Variants in CNIH3 observed in about 807,000 individuals in gnomAD.
CNIH3 encodes the protein cornichon family AMPA receptor auxiliary protein 3, also known as protein cornichon homolog 3.
Under a neutral mutation model 24.1 loss-of-function variants are expected in CNIH3, and 14 were observed. The ratio of observed to expected loss-of-function variants is 0.58; its 90% CI spans 0.38 to 0.91. The LOEUF is 0.91. CNIH3 is among the 40% of genes least tolerant of loss of function. The pLI is 0.00. For missense variants in CNIH3, 178 were observed against 196.8 expected (o/e 0.90, Z 0.57); for synonymous variants, 68 against 73.8 (o/e 0.92, Z 0.40).
Position 224,616,637 on chromosome 1 carries a change from G to C in CNIH3, c.-538G>C. The C allele has an allele frequency of 1.0e-6, 1 of 987,578 alleles. No homozygotes were observed. The highest frequency in any genetic ancestry group is 1.2e-6 in the Non-Finnish European group (1 of 831,544). 61.2% of individuals were successfully genotyped at this position (987,578 alleles called of 1,614,324 possible). The stretch of plus-strand genomic sequence containing the variant: ...CTTCTCTCGGGAAAGAGCGCTGCCC[G>C]GCTCTGGGATTTGGGAGGAGCTCGG... On this transcript the variant is annotated 5_prime_UTR_variant, in exon 1 of 6. Coordinates refer to ENST00000272133, the MANE Select transcript of CNIH3 (RefSeq NM_152495.2).
At chr1:224,623,798 C>G (rs1005587733) in intron 1 of CNIH3, among the ~76,000 whole-genome samples, 4 of 152,204 alleles carry the variant, frequency 2.6e-5, no homozygotes, top group African/African-American at 4.8e-5. Flanking sequence ...CATCACTTTT[C>G]CCCACCTGTC....
intron 1 of CNIH3, among the ~76,000 whole-genome samples, chr1:224,501,579 CA>C (rs1324021291): frequency 1.4e-5 from 2 of 147,368 alleles, no homozygotes; most frequent in African/African-American, 5.0e-5. Flanking sequence ...ATGTTTTATA[CA>C]GAATTTTTTT....
chr1:224,587,617 T>C (rs545038820), intron 5 of CNIH3, among the ~76,000 whole-genome samples: 39 of 152,212 alleles, frequency 2.6e-4, no homozygotes, highest in African/African-American at 9.4e-4. Flanking sequence ...ATCTGTGTGG[T>C]GTGCGTATAT....
At chr1:224,552,745 G>C (rs1350384639) in intron 3 of CNIH3, among the ~76,000 whole-genome samples, 2 of 151,122 alleles carry the variant, frequency 1.3e-5, no homozygotes, top group East Asian at 3.9e-4. Context: ...TAGATATTAT[G>C]AATAATATCA....
intron 3 of CNIH3, among the ~76,000 whole-genome samples, chr1:224,606,766 G>A (rs1486415689): frequency 6.6e-6 from 1 of 152,144 alleles, no homozygotes; most frequent in East Asian, 1.9e-4. Context: ...TGTTTGTGCA[G>A]GGGGCAGGAG....
At chr1:224,444,334 A>G (rs1319368202) in intron 1 of CNIH3, among the ~76,000 whole-genome samples, 1 of 152,172 alleles carries the variant, frequency 6.6e-6, no homozygotes, top group Non-Finnish European at 1.5e-5. Context: ...GGATCTAAAA[A>G]AGGCCCACAT....
At chr1:224,488,084 A>G (rs1185561521) in intron 1 of CNIH3, among the ~76,000 whole-genome samples, 1 of 151,864 alleles carries the variant, frequency 6.6e-6, no homozygotes, top group Non-Finnish European at 1.5e-5. Flanking sequence ...ATACTAGTTG[A>G]GAATCTAGTA....
At chr1:224,731,385 C>G (rs988352080) in intron 4 of CNIH3, among the ~76,000 whole-genome samples, 1 of 152,078 alleles carries the variant, frequency 6.6e-6, no homozygotes, top group Non-Finnish European at 1.5e-5. Flanking sequence ...TGATTTTTGG[C>G]TTTTTGTAAA....
At chr1:224,509,922 A>G (rs763372582) in intron 1 of CNIH3, among the ~76,000 whole-genome samples, 15 of 151,992 alleles carry the variant, frequency 9.9e-5, no homozygotes, top group Non-Finnish European at 1.9e-4. Context: ...AAAGGGCCCC[A>G]GAAAGTGGTG....
At chr1:224,624,135 A>G (rs951187450) in intron 1 of CNIH3, among the ~76,000 whole-genome samples, 1 of 152,054 alleles carries the variant, frequency 6.6e-6, no homozygotes, top group African/African-American at 2.4e-5. Context: ...CTTTCTGGCC[A>G]CCTGACTTGT....
At chr1:224,562,758 C>A (rs1680425147) in intron 3 of CNIH3, among the ~76,000 whole-genome samples, 1 of 152,076 alleles carries the variant, frequency 6.6e-6, no homozygotes, top group Admixed American at 6.6e-5. Flanking sequence ...TTGCCCCGTC[C>A]CTCACCATAT....
upstream of CNIH3, among the ~76,000 whole-genome samples, chr1:224,510,907 AAGG>A (rs1678125768): frequency 1.3e-5 from 2 of 152,168 alleles, no homozygotes; most frequent in Admixed American, 1.3e-4. Flanking sequence ...GCAAGGGGGA[AAGG>A]AGGAGAGTTG....
At chr1:224,444,826 G>A (rs1170482245) in intron 1 of CNIH3, among the ~76,000 whole-genome samples, 1 of 150,084 alleles carries the variant, frequency 6.7e-6, no homozygotes, top group Non-Finnish European at 1.5e-5. Flanking sequence ...TGTATTTTTA[G>A]TATAGATGAG....
chr1:224,716,088 A>T (rs1688413829), intron 3 of CNIH3, among the ~76,000 whole-genome samples: 1 of 152,196 alleles, frequency 6.6e-6, no homozygotes, highest in Non-Finnish European at 1.5e-5. Flanking sequence ...AGTTCTGTAG[A>T]TGGTACCTCC....
chr1:224,598,513 A>G (rs886180644), intron 3 of CNIH3, among the ~76,000 whole-genome samples: 6 of 152,360 alleles, frequency 3.9e-5, no homozygotes, highest in South Asian at 2.1e-4. Flanking sequence ...AAGTTCTACT[A>G]TAGGCAAAAT....
chr1:224,727,138 G>A (rs563192596), intron 3 of CNIH3, among the ~76,000 whole-genome samples: 62 of 152,308 alleles, frequency 4.1e-4, no homozygotes, highest in Admixed American at 2.7e-3. Context: ...TGCCGGCCTC[G>A]ATGGCTTGTT....
At chr1:224,479,229 C>G (rs931427209) in intron 1 of CNIH3, among the ~76,000 whole-genome samples, 1 of 137,568 alleles carries the variant, frequency 7.3e-6, no homozygotes, top group African/African-American at 2.7e-5. Flanking sequence ...TCTCGGCTCA[C>G]TGCAACCTCT....
intron 4 of CNIH3, among the ~76,000 whole-genome samples, chr1:224,732,414 C>T (rs1259915383): frequency 6.6e-6 from 1 of 152,194 alleles, no homozygotes; most frequent in Admixed American, 6.5e-5. Context: ...AATCTGCTCT[C>T]ATCTGAATTA....
intron 1 of CNIH3, among the ~76,000 whole-genome samples, chr1:224,510,662 G>C (rs1220975969): frequency 2.0e-5 from 3 of 152,044 alleles, no homozygotes; most frequent in Middle Eastern, 3.5e-3. Flanking sequence ...GTCCTGGCCG[G>C]TCAATGCAGT....
Sources: gnomAD v4.1 joint callset for allele counts (sites outside exome capture counted in the v4.1 genomes callset) on GRCh38, gnomAD v4.1.1 for gene constraint, MANE v1.5 for transcripts, NCBI Gene and HGNC (gene_info 2026-07-23, HGNC 2026-07-21) for gene names.